Variants in MGMT observed in about 807,000 individuals in gnomAD.
The protein encoded by MGMT is methylated-DNA--protein-cysteine methyltransferase.
In MGMT, 14 loss-of-function variants were observed where a neutral mutation model predicts 15.9. The ratio of observed to expected loss-of-function variants is 0.88; its 90% CI spans 0.58 to 1.37. The LOEUF is 1.37. Among genes scored for constraint, MGMT ranks in the 40% most tolerant of loss-of-function variants. MGMT has a pLI of 0.00. For synonymous variants in MGMT, 130 were observed against 118.2 expected, an observed-to-expected ratio of 1.10 and a Z score of -0.65; for missense variants, 282 against 268.1, an observed-to-expected ratio of 1.05 and a Z score of -0.36.
intron 1 of MGMT, among the ~76,000 whole-genome samples, chr10:129,499,847 CAA>C (rs1315021265): frequency 6.6e-6 from 1 of 152,172 alleles, no homozygotes; most frequent in Non-Finnish European, 1.5e-5. Flanking sequence ...TTCCTGGTGA[CAA>C]AAGACTGTGA....
At chr10:129,591,822 T>A (rs1227670771) in intron 2 of MGMT, among the ~76,000 whole-genome samples, 1 of 152,034 alleles carries the variant, frequency 6.6e-6, no homozygotes, top group Non-Finnish European at 1.5e-5. Flanking sequence ...TCTCAGCTAC[T>A]TGGGAGGCTG....
chr10:129,659,409 TTCTAA>T lies in MGMT; in HGVS notation c.126-48485_126-48481del, dbSNP rs1847570549. 6.6e-6 allele frequency among the ~76,000 whole-genome samples: 1 copy of T among 151,626 alleles called. No homozygotes were observed. Among genetic ancestry groups the T allele is most frequent in the Admixed American group, 6.6e-5 (1 of 15,250 alleles). On this transcript the variant is annotated intron_variant, in intron 2 of 4. Coordinates refer to ENST00000651593, the MANE Select transcript of MGMT (RefSeq NM_002412.5). The surrounding 1 kb of genome is among the most constrained non-coding windows in gnomAD (Gnocchi z 4.1). Reference sequence around the variant, plus strand: ...TGTAGCTGTCTCTGCCTGGGTTGTTTTCTAAATGCGTTTGGCTGGAGATAGAACAG... The same window carrying T: ...TGTAGCTGTCTCTGCCTGGGTTGTTTATGCGTTTGGCTGGAGATAGAACAG...
rs1185276593 is a variant in MGMT, at chr10:129,657,699, ACACACACG to A, written c.126-50188_126-50181del. The stretch of plus-strand genomic sequence containing the variant: ...AACACACACACACACACACACACAC[ACACACACG>A]CACACACACACACACACACACCCCC... On this transcript the variant is annotated intron_variant, in intron 2 of 4. Coordinates refer to ENST00000651593, the MANE Select transcript of MGMT (RefSeq NM_002412.5). Among the ~76,000 whole-genome samples the A allele has an allele frequency of 3.2e-4, 40 of 124,814 alleles. 1 individual carries two copies. The highest frequency in any genetic ancestry group is 1.3e-3 in the African/African-American group (37 of 27,808). The allele number at this position is 124,814 out of a possible 152,430, so 81.9% of individuals were successfully genotyped here.
chr10:129,506,228 C>T (rs986760740), intron 1 of MGMT, among the ~76,000 whole-genome samples: 3 of 152,078 alleles, frequency 2.0e-5, no homozygotes, highest in Non-Finnish European at 4.4e-5. Flanking sequence ...CCTGCAATGT[C>T]GGTACTGTCG....
At chr10:129,665,264 C>T (rs1054018823) in intron 2 of MGMT, among the ~76,000 whole-genome samples, 4 of 141,678 alleles carry the variant, frequency 2.8e-5, no homozygotes, top group African/African-American at 1.1e-4. Context: ...ACCCGCTCAC[C>T]CACCCATCCT....
intron 2 of MGMT, among the ~76,000 whole-genome samples, chr10:129,565,102 C>T (rs1011571327): frequency 9.2e-5 from 14 of 152,336 alleles, no homozygotes; most frequent in Admixed American, 3.3e-4. Flanking sequence ...CTGGGCGCTG[C>T]GTGTAGCCTG....
intron 2 of MGMT, among the ~76,000 whole-genome samples, chr10:129,681,316 G>T (rs60541995): frequency 6.6e-6 from 1 of 152,030 alleles, no homozygotes; most frequent in African/African-American, 2.4e-5. Context: ...TGTGAATCAC[G>T]TTTTCCTTAG....
chr10:129,577,622 A>C (rs1038116689), intron 2 of MGMT, among the ~76,000 whole-genome samples: 5 of 152,238 alleles, frequency 3.3e-5, no homozygotes, highest in Non-Finnish European at 7.3e-5. Context: ...GGACATAGGC[A>C]TGGGCAAGGA....
In MGMT at chr10:129,718,315, C is replaced by T. The variant is rs1361091850; in HGVS notation, c.274+10272C>T. 3.9e-5 allele frequency among the ~76,000 whole-genome samples: 6 copies of T among 152,294 alleles called. No individual in the cohort carries two copies. The East Asian group carries it at 1.2e-3, about 29-fold the overall frequency. ...CTTCGGGCTAGGTGTCTCCTTGTGT[C>T]GGAGACCTGTGGAATCCAGCAGCTC... On this transcript the variant is annotated intron_variant, in intron 3 of 4. Coordinates refer to ENST00000651593, the MANE Select transcript of MGMT (RefSeq NM_002412.5).
chr10:129,701,043 T>C (rs1848093121), intron 2 of MGMT: 1 of 152,240 alleles, frequency 6.6e-6, no homozygotes, highest in Non-Finnish European at 1.5e-5. Context: ...GGGTGCTCAC[T>C]AGCTGGGTTT....
At chr10:129,647,313 C>T (rs1847408842) in intron 2 of MGMT, among the ~76,000 whole-genome samples, 1 of 152,036 alleles carries the variant, frequency 6.6e-6, no homozygotes, top group African/African-American at 2.4e-5. Context: ...ATTCGACGCT[C>T]AAGTGTGTAG....
intron 1 of MGMT, among the ~76,000 whole-genome samples, chr10:129,506,745 C>T (rs1313573772): frequency 6.7e-6 from 1 of 150,220 alleles, no homozygotes; most frequent in Non-Finnish European, 1.5e-5. Flanking sequence ...CTTTTCTCTG[C>T]CTTTGTACAC....
chr10:129,736,775 C>T (rs566523727), intron 3 of MGMT, among the ~76,000 whole-genome samples: 1 of 151,676 alleles, frequency 6.6e-6, no homozygotes, highest in South Asian at 2.1e-4. Flanking sequence ...AATCTCTCAG[C>T]ATTTGCTTGT....
chr10:129,675,659 A>G (rs1213428736), intron 2 of MGMT, among the ~76,000 whole-genome samples: 2 of 152,162 alleles, frequency 1.3e-5, no homozygotes, highest in African/African-American at 2.4e-5. Flanking sequence ...GCATGCAGGC[A>G]TGGAGCTCAG....
chr10:129,723,130 T>C (rs992752582), intron 3 of MGMT, among the ~76,000 whole-genome samples: 2 of 152,166 alleles, frequency 1.3e-5, no homozygotes, highest in African/African-American at 2.4e-5. Flanking sequence ...CCATAACTTA[T>C]TTATTTCCAT....
intron 1 of MGMT, among the ~76,000 whole-genome samples, chr10:129,523,308 G>A (rs1845833402): frequency 6.6e-6 from 1 of 152,260 alleles, no homozygotes; most frequent in Admixed American, 6.5e-5. Context: ...CCTTCTGCAA[G>A]GCAGTTGGCA....
At chr10:129,620,521 C>A (rs58081741) in intron 2 of MGMT, among the ~76,000 whole-genome samples, 6,138 of 152,248 alleles carry the variant, frequency 0.04, 415 homozygotes, top group African/African-American at 0.14. Flanking sequence ...CTAGTAGGTG[C>A]CTAATCACAT....
chr10:129,502,407 G>A (rs1374831299), intron 1 of MGMT, among the ~76,000 whole-genome samples: 1 of 152,104 alleles, frequency 6.6e-6, no homozygotes, highest in African/African-American at 2.4e-5. Context: ...TACCCAGCTA[G>A]ACCTTTTAAC....
At chr10:129,476,453 A>G (rs1175912129) in intron 1 of MGMT, among the ~76,000 whole-genome samples, 1 of 152,130 alleles carries the variant, frequency 6.6e-6, no homozygotes, top group Non-Finnish European at 1.5e-5. Context: ...CTTCTTGGAA[A>G]GGTAGAAGGC....
Sources: allele counts gnomAD v4.1 joint callset (sites outside exome capture counted in the v4.1 genomes callset), GRCh38; gene constraint gnomAD v4.1.1; non-coding constraint Gnocchi (gnomAD v3.1); transcripts MANE v1.5; gene names NCBI Gene and HGNC (gene_info 2026-07-23, HGNC 2026-07-21).